Variants in VEPH1 observed in about 807,000 individuals in gnomAD.
VEPH1 encodes ventricular zone-expressed PH domain-containing protein homolog 1.
A neutral mutation model predicts 85.2 loss-of-function variants in VEPH1; 80 were observed. The observed-to-expected ratio is 0.94, with a 90% CI of 0.78 to 1.13. The LOEUF is 1.13. Among genes scored for constraint, VEPH1 ranks in the 50% most tolerant of loss-of-function variants. The pLI, the probability that VEPH1 is intolerant of heterozygous loss-of-function variation, is 0.00. For synonymous variants in VEPH1, 297 were observed against 348.0 expected (o/e 0.85, Z 1.63); for missense variants, 955 against 980.5 (o/e 0.97, Z 0.35).
chr3:157,469,388 C>A (rs1335170699), intron 3 of VEPH1, among the ~76,000 whole-genome samples: 1 of 152,168 alleles, frequency 6.6e-6, no homozygotes, highest in Non-Finnish European at 1.5e-5. Context: ...AGCATTTTAA[C>A]ATAATCAGAA....
chr3:157,365,091 T>C (rs1365721834), intron 7 of VEPH1, among the ~76,000 whole-genome samples: 2 of 152,224 alleles, frequency 1.3e-5, no homozygotes, highest in African/African-American at 2.4e-5. Flanking sequence ...AACCACTTTG[T>C]GGGTCATTAA....
At chr3:157,483,465 A>G (rs2109626646) in intron 2 of VEPH1, among the ~76,000 whole-genome samples, 1 of 152,328 alleles carries the variant, frequency 6.6e-6, no homozygotes, top group East Asian at 1.9e-4. Context: ...AATTTCAGGT[A>G]AGAAATTATT....
intron 4 of VEPH1, among the ~76,000 whole-genome samples, chr3:157,447,520 C>A (rs1283085312): frequency 6.6e-6 from 1 of 151,700 alleles, no homozygotes; most frequent in South Asian, 2.1e-4. Flanking sequence ...ATAATTGTAT[C>A]ATGAATTTTT....
chr3:157,308,790 C>A (rs1189926075), intron 11 of VEPH1, among the ~76,000 whole-genome samples: 1 of 152,000 alleles, frequency 6.6e-6, no homozygotes, highest in African/African-American at 2.4e-5. Context: ...TATTTCTCTC[C>A]ATTGCTCTGT....
intron 4 of VEPH1, among the ~76,000 whole-genome samples, chr3:157,458,320 C>T (rs908560398): frequency 1.3e-5 from 2 of 152,070 alleles, no homozygotes; most frequent in African/African-American, 2.4e-5. Context: ...GTCTTAATCG[C>T]CTTCAGCTCA....
intron 4 of VEPH1, chr3:157,443,386 G>T: frequency 6.7e-6 from 1 of 148,222 alleles, no homozygotes; most frequent in Non-Finnish European, 1.4e-5. Flanking sequence ...ATTGTTATTG[G>T]TATGTACCTT....
intron 3 of VEPH1, among the ~76,000 whole-genome samples, chr3:157,464,264 C>T (rs1736157911): frequency 6.6e-6 from 1 of 152,116 alleles, no homozygotes; most frequent in South Asian, 2.1e-4. Context: ...CTAACAGGTA[C>T]CAAACAACAT....
intron 11 of VEPH1, among the ~76,000 whole-genome samples, chr3:157,299,694 CATT>C (rs34568452): frequency 0.42 from 64,142 of 151,642 alleles, 15,133 homozygotes; most frequent in Admixed American, 0.58. Flanking sequence ...GACATGCAGA[CATT>C]AATGGAAAGA....
chr3:157,431,722 C>A (rs1245215348), intron 4 of VEPH1, among the ~76,000 whole-genome samples: 1 of 151,752 alleles, frequency 6.6e-6, no homozygotes, highest in Non-Finnish European at 1.5e-5. Context: ...CACATTCTTG[C>A]CAACATTTGG....
At chr3:157,347,554 A>G (rs1216252931) in intron 9 of VEPH1, among the ~76,000 whole-genome samples, 4 of 152,200 alleles carry the variant, frequency 2.6e-5, no homozygotes, top group Admixed American at 2.6e-4. Flanking sequence ...AACAGCTAAG[A>G]TTTGACTGGA....
intron 2 of VEPH1, among the ~76,000 whole-genome samples, chr3:157,474,602 G>A (rs919540617): frequency 1.3e-5 from 2 of 152,054 alleles, no homozygotes; most frequent in South Asian, 2.1e-4. Context: ...CTTGATCATC[G>A]TCTGGGTCCA....
chr3:157,300,733 A>G (rs1314145323), intron 11 of VEPH1, among the ~76,000 whole-genome samples: 2 of 152,256 alleles, frequency 1.3e-5, no homozygotes, highest in Non-Finnish European at 2.9e-5. Context: ...CTGTCAGTTA[A>G]GTTCAATGTA....
chr3:157,326,394 A>G (rs532834874), intron 9 of VEPH1, among the ~76,000 whole-genome samples: 7 of 152,342 alleles, frequency 4.6e-5, no homozygotes, highest in African/African-American at 1.7e-4. Flanking sequence ...GAGTACCAAA[A>G]AAGTAAAATG....
At chr3:157,361,465 C>G (rs1009589395) in intron 9 of VEPH1, among the ~76,000 whole-genome samples, 1 of 152,154 alleles carries the variant, frequency 6.6e-6, no homozygotes, top group Non-Finnish European at 1.5e-5. Flanking sequence ...AGTACCTAAA[C>G]CTGATAGCCA....
chr3:157,262,080 C>T (rs779577458), intron 13 of VEPH1, among the ~76,000 whole-genome samples: 2 of 152,128 alleles, frequency 1.3e-5, no homozygotes, highest in Admixed American at 6.6e-5. Flanking sequence ...TGCCAATTCT[C>T]CTTGCCCACC....
At chr3:157,461,659 T>C (rs1482176870) in intron 3 of VEPH1, among the ~76,000 whole-genome samples, 1 of 152,158 alleles carries the variant, frequency 6.6e-6, no homozygotes, top group Non-Finnish European at 1.5e-5. Context: ...GAGATAAAAA[T>C]TGTCATTGAT....
At chr3:157,398,190 T>C (rs867349855) in intron 6 of VEPH1, among the ~76,000 whole-genome samples, 3 of 152,182 alleles carry the variant, frequency 2.0e-5, no homozygotes, top group Admixed American at 1.3e-4. Flanking sequence ...TCTTTGATGA[T>C]GGAATACTGC....
intron 2 of VEPH1, 75 bp downstream of exon 2, chr3:157,495,137 T>G: frequency 1.4e-6 from 2 of 1,438,284 alleles, no homozygotes; most frequent in Non-Finnish European, 1.9e-6. Flanking sequence ...AAGATCTTTC[T>G]GCCAGGATAT....
chr3:157,425,539 C>T (rs959599308), intron 5 of VEPH1, among the ~76,000 whole-genome samples: 8 of 152,108 alleles, frequency 5.3e-5, no homozygotes, highest in Admixed American at 4.6e-4. Context: ...ATTTGACTGC[C>T]CTCCTGGATT....
Sources: gnomAD v4.1 joint callset for allele counts (sites outside exome capture counted in the v4.1 genomes callset) on GRCh38, gnomAD v4.1.1 for gene constraint, MANE v1.5 for transcripts, NCBI Gene and HGNC (gene_info 2026-07-23, HGNC 2026-07-21) for gene names.